Variants in GET1 observed in about 807,000 individuals in gnomAD.
GET1 encodes congenital heart disease 5 protein.
A neutral mutation model predicts 22.6 loss-of-function variants in GET1; 20 were observed. The observed-to-expected ratio is 0.89, with a 90% CI of 0.62 to 1.29. GET1 has a LOEUF of 1.29. Among genes scored for constraint, GET1 ranks in the 50% most tolerant of loss-of-function variants. The probability of loss-of-function intolerance (pLI) is 0.00; values close to 1 mark genes in which losing one functional copy is unlikely to be tolerated. For missense variants in GET1, 209 were observed against 219.9 expected, an observed-to-expected ratio of 0.95 and a Z score of 0.31; for synonymous variants, 92 against 83.8, an observed-to-expected ratio of 1.10 and a Z score of -0.53.
intron 2 of GET1, 142 bp from the exon 3 acceptor site, chr21:39,391,627 T>G (rs2038302966): frequency 2.4e-6 from 2 of 828,492 alleles, no homozygotes; most frequent in Admixed American, 2.8e-5. Flanking sequence ...AAATTCTATT[T>G]TATATTTTCT....
intron 1 of GET1, chr21:39,411,686 A>G (rs769581597): frequency 8.6e-7 from 1 of 1,164,580 alleles, no homozygotes; most frequent in South Asian, 1.6e-5. Context: ...ATACTTAAAA[A>G]TAGATTTTGA....
intron 1 of GET1, among the ~76,000 whole-genome samples, chr21:39,381,972 CA>C (rs2037580643): frequency 6.6e-6 from 1 of 152,182 alleles, no homozygotes; most frequent in African/African-American, 2.4e-5. Flanking sequence ...CTCCTGACCT[CA>C]AGCCATCCAC....
intron 1 of GET1, among the ~76,000 whole-genome samples, chr21:39,388,679 A>T (rs13051949): frequency 0.69 from 104,214 of 152,072 alleles, 35,808 homozygotes; most frequent in East Asian, 0.77. Flanking sequence ...CAGAGGCGCC[A>T]CTGAGGGATC....
downstream of GET1, among the ~76,000 whole-genome samples, chr21:39,408,301 C>T (rs1161721587): frequency 2.0e-5 from 3 of 152,158 alleles, no homozygotes; most frequent in Non-Finnish European, 4.4e-5. Flanking sequence ...TACAAATTTA[C>T]CTTACCTGCA....
chr21:39,394,881 C>A (rs1209996703), intron 4 of GET1, among the ~76,000 whole-genome samples: 1 of 151,758 alleles, frequency 6.6e-6, no homozygotes, highest in African/African-American at 2.4e-5. Context: ...TTTTTCTTCT[C>A]TTTTCTTTTT....
At chr21:39,420,834 T>A in intron 1 of GET1, 1 of 1,612,790 alleles carries the variant, frequency 6.2e-7, no homozygotes. Context: ...CTCAGTTGTT[T>A]TTCCAAGCTC....
At chr21:39,381,965 C>G (rs1165744339) in intron 1 of GET1, among the ~76,000 whole-genome samples, 1 of 152,146 alleles carries the variant, frequency 6.6e-6, no homozygotes, top group Non-Finnish European at 1.5e-5. Flanking sequence ...TCTCAAACTC[C>G]TGACCTCAAG....
chr21:39,395,206 C>T (rs554063619), intron 4 of GET1, among the ~76,000 whole-genome samples: 1 of 152,066 alleles, frequency 6.6e-6, no homozygotes, highest in Admixed American at 6.6e-5. Flanking sequence ...AGTAGCTGTT[C>T]TTCATTTAGA....
intron 4 of GET1, among the ~76,000 whole-genome samples, chr21:39,393,926 A>C (rs1235569976): frequency 6.6e-6 from 1 of 152,178 alleles, no homozygotes; most frequent in African/African-American, 2.4e-5. Context: ...CTGAGATTAC[A>C]GGCATGAACC....
chr21:39,386,945 A>G (rs2037946044), intron 1 of GET1, among the ~76,000 whole-genome samples: 1 of 152,018 alleles, frequency 6.6e-6, no homozygotes, highest in Non-Finnish European at 1.5e-5. Context: ...TTCGGGCTCA[A>G]GTGATCCCTC....
chr21:39,380,581 TG>T, intron 1 of GET1, 95 bp downstream of exon 1: 6 of 1,530,542 alleles, frequency 3.9e-6, no homozygotes, highest in Non-Finnish European at 5.3e-6. Context: ...ACTGGGCGAC[TG>T]AAGGCCGTAG....
downstream of GET1, chr21:39,408,533 C>T (rs999300210): frequency 6.6e-6 from 1 of 152,354 alleles, no homozygotes; most frequent in African/African-American, 2.4e-5. Context: ...GTCCCAAACA[C>T]CAGGTGAGCC....
At position 39,383,083 on chromosome 21, in the gene GET1, T is replaced by TG. The variant is rs1347393746; in HGVS notation, c.102+2600dup. ...CTCCTGCCTCAGCCTCCCGAGTAGC[T>TG]GGGACTACAGGTGCCCACCACCACC... On this transcript the variant is annotated intron_variant, in intron 1 of 4. Coordinates refer to ENST00000649170, the MANE Select transcript of GET1 (RefSeq NM_004627.6). Among the ~76,000 whole-genome samples the TG allele has an allele frequency of 8.9e-4, 135 of 151,482 alleles. 1 individual carries two copies. The highest frequency in any genetic ancestry group is 3.1e-3 in the African/African-American group (126 of 41,282).
chr21:39,416,966 G>A (rs1387256166), intron 1 of GET1, among the ~76,000 whole-genome samples: 3 of 152,116 alleles, frequency 2.0e-5, no homozygotes, highest in Non-Finnish European at 4.4e-5. Context: ...TGCATCCCGC[G>A]GTTACAAAGG....
chr21:39,384,435 T>G (rs1370381629), intron 1 of GET1, among the ~76,000 whole-genome samples: 2 of 151,666 alleles, frequency 1.3e-5, no homozygotes, highest in East Asian at 2.0e-4. Flanking sequence ...TTTTGTATTT[T>G]TTTTAGTAGA....
downstream of GET1, chr21:39,410,807 C>T (rs555993433): frequency 2.9e-4 from 135 of 470,330 alleles, 1 homozygote; most frequent in South Asian, 2.1e-3. Flanking sequence ...ATCATTTAAA[C>T]AACCCCTCGG....
At chr21:39,383,443 G>A (rs1412791046) in intron 1 of GET1, among the ~76,000 whole-genome samples, 5 of 149,614 alleles carry the variant, frequency 3.3e-5, no homozygotes, top group African/African-American at 7.4e-5. Context: ...CACTATGCCC[G>A]GCTAATTTTT....
chr21:39,409,224 C>A (rs554405200), downstream of GET1, among the ~76,000 whole-genome samples: 1 of 152,058 alleles, frequency 6.6e-6, no homozygotes, highest in Admixed American at 6.6e-5. This position sits in a 1 kb window ranked among gnomAD's most constrained non-coding sequence, Gnocchi z 4.2. Flanking sequence ...TAGTGAGAAG[C>A]GGGACATCTA....
At chr21:39,423,545 A>G (rs905342209) in intron 1 of GET1, 4 of 1,398,530 alleles carry the variant, frequency 2.9e-6, no homozygotes, top group Non-Finnish European at 2.9e-6. Context: ...ATATGCAAAT[A>G]TGCACATATG....
Sources: gnomAD v4.1 joint callset for allele counts (sites outside exome capture counted in the v4.1 genomes callset) on GRCh38, gnomAD v4.1.1 for gene constraint, Gnocchi (gnomAD v3.1) non-coding constraint, MANE v1.5 for transcripts, NCBI Gene and HGNC (gene_info 2026-07-23, HGNC 2026-07-21) for gene names.